Variants in RANGAP1 observed in about 807,000 individuals in gnomAD.
RANGAP1 encodes the protein Ran GTPase activating protein 1.
A neutral mutation model predicts 63.5 loss-of-function variants in RANGAP1; 38 were observed. The ratio of observed to expected loss-of-function variants is 0.60; its 90% confidence interval spans 0.46 to 0.78. The LOEUF is 0.78. Among genes scored for constraint, RANGAP1 ranks in the 30% least tolerant of loss-of-function variants. RANGAP1 has a pLI of 0.00. For missense variants in RANGAP1, 630 were observed against 740.3 expected, an observed-to-expected ratio of 0.85 and a Z score of 1.73; for synonymous variants, 329 against 310.5, an observed-to-expected ratio of 1.06 and a Z score of -0.63.
chr22:41,248,778 C>T (rs560380780), intron 15 of RANGAP1, among the ~76,000 whole-genome samples: 4 of 152,326 alleles, frequency 2.6e-5, no homozygotes, highest in South Asian at 2.1e-4. Flanking sequence ...ATCAATGCCC[C>T]GGGACACCCC....
intron 1 of RANGAP1, among the ~76,000 whole-genome samples, chr22:41,284,544 G>A (rs1375769751): frequency 6.6e-6 from 1 of 151,008 alleles, no homozygotes; most frequent in Non-Finnish European, 1.5e-5. Context: ...TCCAACGTGG[G>A]CAACAAGAGT....
At chr22:41,256,319 G>T in intron 8 of RANGAP1, 29 bp from the exon 9 acceptor site, 1 of 1,606,098 alleles carries the variant, frequency 6.2e-7, no homozygotes, top group South Asian at 1.1e-5. Flanking sequence ...GTTGGAGGCA[G>T]GCAGAAACCC....
the RANGAP1 span, among the ~76,000 whole-genome samples, chr22:41,298,503 T>C: frequency 6.6e-6 from 1 of 151,816 alleles, no homozygotes; most frequent in Non-Finnish European, 1.5e-5. Flanking sequence ...TTCGTAGAGA[T>C]GGGGTTTCAA....
Position 41,251,124 on chromosome 22 carries a change from G to C in RANGAP1, c.1381-15C>G. The C allele has an allele frequency of 6.2e-7, 1 of 1,608,242 alleles. No individual in the cohort carries two copies. The highest frequency in any genetic ancestry group is 8.5e-7 in the Non-Finnish European group (1 of 1,175,036). On this transcript the variant is annotated splice_polypyrimidine_tract_variant and intron_variant, in intron 12 of 15. Coordinates refer to ENST00000356244, the MANE Select transcript of RANGAP1 (RefSeq NM_002883.4). ...GACGTGTCAGTCTGAGGACAAAAGAGACAATGGTTGGCCTGTGGCACGTGG... is the reference window on the plus strand; with the variant it reads ...GACGTGTCAGTCTGAGGACAAAAGACACAATGGTTGGCCTGTGGCACGTGG...
intron 1 of RANGAP1, chr22:41,281,694 A>C: frequency 1.1e-6 from 1 of 935,338 alleles, no homozygotes; most frequent in Non-Finnish European, 1.3e-6. Flanking sequence ...GCCACATCAC[A>C]ACAGCTACCA....
intron 1 of RANGAP1, chr22:41,281,504 A>G: frequency 1.0e-6 from 1 of 992,730 alleles, no homozygotes; most frequent in Non-Finnish European, 1.2e-6. Flanking sequence ...CCATTCCTCA[A>G]ACAGGACACA....
chr22:41,249,526 C>T (rs1370929130), intron 14 of RANGAP1, 75 bp from the exon 15 acceptor site: 2 of 1,596,438 alleles, frequency 1.3e-6, no homozygotes, highest in Non-Finnish European at 8.5e-7. Flanking sequence ...ACCATCCAGA[C>T]TCTGCTGATA....
chr22:41,281,125 G>C, intron 1 of RANGAP1, 43 bp from the exon 2 acceptor site: 1 of 1,497,296 alleles, frequency 6.7e-7, no homozygotes, highest in East Asian at 2.3e-5. Context: ...AGTCTCCTGG[G>C]GCCCCTGGTT....
chr22:41,284,765 G>A (rs534212579), intron 1 of RANGAP1: 1 of 152,332 alleles, frequency 6.6e-6, no homozygotes, highest in Non-Finnish European at 1.5e-5. Context: ...CCAGCTACCT[G>A]GGATGTAAGG....
rs2033668832 is a variant in RANGAP1, at chr22:41,254,301, A to AACTC, written c.1260+3_1260+6dup. The AACTC allele has an allele frequency of 6.2e-7, 1 of 1,613,920 alleles. No individual in the cohort carries two copies. The highest frequency in any genetic ancestry group is 1.3e-5 in the African/African-American group (1 of 74,884). ...GGCTCTGATTGTGGCAGATGATAGA[A>AACTC]ACTCACCCCAGTGTTAGGGTCCAGA... On this transcript the variant is annotated splice_region_variant and intron_variant, in intron 11 of 15. Transcript: ENST00000356244.
the RANGAP1 span, among the ~76,000 whole-genome samples, chr22:41,291,554 C>T: frequency 3.5e-5 from 5 of 143,644 alleles, no homozygotes; most frequent in East Asian, 6.4e-4. Context: ...GCCGAGATCA[C>T]GCCACTGCAC....
At chr22:41,281,750 T>C in intron 1 of RANGAP1, 4 of 551,280 alleles carry the variant, frequency 7.3e-6, no homozygotes, top group South Asian at 7.9e-5. Flanking sequence ...AGCCCTACTA[T>C]ACTCAAGTCT....
upstream of RANGAP1, among the ~76,000 whole-genome samples, chr22:41,288,124 C>A (rs2035795215): frequency 6.6e-6 from 1 of 152,178 alleles, no homozygotes. Context: ...AAAACTGAAG[C>A]TCTAGACAGA....
Position 41,267,953 on chromosome 22 carries a change from T to C in RANGAP1, c.300+144A>G, listed in dbSNP as rs557235806. On this transcript the variant is annotated intron_variant, in intron 4 of 15. Coordinates refer to ENST00000356244, the MANE Select transcript of RANGAP1 (RefSeq NM_002883.4). ...TCCTGTCAGGACACAGGGCACGTGC[T>C]GGACTTGCCGGGCTTCCATTCCAGC... The C allele has an allele frequency of 2.0e-5, 17 of 829,288 alleles. No homozygotes were observed. The South Asian group carries it at 2.5e-4, about 12-fold the overall frequency. 51.4% of individuals were successfully genotyped at this position (829,288 alleles called of 1,614,324 possible). A position where few individuals can be genotyped will look rare whatever the true frequency, so the allele number is the denominator to read the frequency against.
chr22:41,259,538 T>C (rs1374637804), intron 6 of RANGAP1, among the ~76,000 whole-genome samples: 1 of 152,218 alleles, frequency 6.6e-6, no homozygotes, highest in Non-Finnish European at 1.5e-5. Context: ...TGTAGTGATA[T>C]ACAAACTTCT....
the RANGAP1 span, among the ~76,000 whole-genome samples, chr22:41,293,173 T>C: frequency 1.3e-5 from 2 of 150,080 alleles, no homozygotes; most frequent in Non-Finnish European, 3.0e-5. Context: ...AGGCAGAGCT[T>C]GTAGTGAGCC....
chr22:41,250,949 TG>T, intron 13 of RANGAP1, 57 bp downstream of exon 13: 1 of 1,418,556 alleles, frequency 7.0e-7, no homozygotes, highest in Non-Finnish European at 9.9e-7. Context: ...GAAGGATACC[TG>T]GGGCCCACGA....
At chr22:41,300,428 TCACACACACACACACACACACACACACA>T in the RANGAP1 span, among the ~76,000 whole-genome samples, 1 of 36,276 alleles carries the variant, frequency 2.8e-5, no homozygotes. Context: ...TATTGGGAAC[TCACACACACACACACACACACACACACA>T]CACACACACA....
intron 3 of RANGAP1, among the ~76,000 whole-genome samples, chr22:41,271,832 C>T (rs774919126): frequency 1.3e-5 from 2 of 152,230 alleles, no homozygotes; most frequent in African/African-American, 2.4e-5. Flanking sequence ...GCAGAGAGAA[C>T]CCCTCTGGCA....
Sources: allele counts gnomAD v4.1 joint callset (sites outside exome capture counted in the v4.1 genomes callset), GRCh38; gene constraint gnomAD v4.1.1; transcripts MANE v1.5; gene names NCBI Gene and HGNC (gene_info 2026-07-23, HGNC 2026-07-21).